CSPP1: variants seen among roughly 807,000 people sequenced by gnomAD.
CSPP1 encodes centrosome and spindle pole associated protein 1, also known as centrosome and spindle pole-associated protein 1.
CSPP1 carries 126 observed loss-of-function variants against 164.4 expected under a neutral mutation model. The observed-to-expected ratio is 0.77, with a 90% CI of 0.66 to 0.89. The LOEUF (loss-of-function observed/expected upper bound fraction) is 0.89, where lower values mean the gene tolerates loss of function less well. Among genes scored for constraint, CSPP1 ranks in the 40% least tolerant of loss-of-function variants. CSPP1 has a pLI of 0.00. For synonymous variants in CSPP1, 472 were observed against 476.7 expected, an observed-to-expected ratio of 0.99 and a Z score of 0.13; for missense variants, 1,395 against 1,449.8, an observed-to-expected ratio of 0.96 and a Z score of 0.61.
chr8:67,106,003 G>T (rs768773646), intron 9 of CSPP1, 28 bp downstream of exon 9: 1 of 1,185,588 alleles, frequency 8.4e-7, no homozygotes, highest in South Asian at 1.2e-5. Flanking sequence ...AACTAGTTGC[G>T]CTTGTATAGA....
Position 67,164,391 on chromosome 8 carries a change from A to T in CSPP1, c.2711A>T (p.Glu904Val). Residue 904 changes from glutamate to valine, a missense_variant and splice_region_variant, in exon 24 of 31, where the codon GAG becomes GTG. Coordinates refer to ENST00000678616, the MANE Select transcript of CSPP1 (RefSeq NM_001382391.1). ...TTTACTTATCAATGGGAATTTGCAG[A>T]GGAGAAAAAAAATGTAATTATGGAA... The part of the protein sequence containing the change: ...PARKNQLRAE[E>V]EKKNVIMELS... 6.9e-7 allele frequency: 1 copy of T among 1,454,736 alleles called. No homozygotes were observed. The highest frequency in any genetic ancestry group is 9.6e-7 in the Non-Finnish European group (1 of 1,036,558). 90.1% of individuals were successfully genotyped at this position (1,454,736 alleles called of 1,614,324 possible).
At chr8:67,129,245 C>T (rs183019771) in intron 15 of CSPP1, among the ~76,000 whole-genome samples, 1,556 of 152,110 alleles carry the variant, frequency 0.01, 13 homozygotes, top group Non-Finnish European at 0.017. Flanking sequence ...TTAAAATATT[C>T]CTTTTGAGAT....
At chr8:67,141,570 G>A (rs371310943) in intron 17 of CSPP1, among the ~76,000 whole-genome samples, 14 of 152,218 alleles carry the variant, frequency 9.2e-5, no homozygotes, top group African/African-American at 1.9e-4. Flanking sequence ...TGCCCAGGCC[G>A]GAGTGCAATG....
chr8:67,118,521 GC>G, intron 14 of CSPP1, 152 bp downstream of exon 14: 1 of 820,696 alleles, frequency 1.2e-6, no homozygotes, highest in Non-Finnish European at 2.0e-6. Flanking sequence ...CTATTTTAAA[GC>G]CCAGTTATAT....
intron 28 of CSPP1, among the ~76,000 whole-genome samples, chr8:67,188,238 C>T (rs1376812797): frequency 6.6e-6 from 1 of 152,220 alleles, no homozygotes; most frequent in Non-Finnish European, 1.5e-5. Context: ...TTGCACCACA[C>T]ATCACCATAC....
intron 7 of CSPP1, 71 bp downstream of exon 7, chr8:67,095,803 C>G: frequency 1.1e-6 from 1 of 942,318 alleles, no homozygotes; most frequent in Non-Finnish European, 1.6e-6. Context: ...GCTGTTGTTA[C>G]TTTTTATCAT....
At chr8:67,148,479 T>C (rs1825060411) in intron 17 of CSPP1, among the ~76,000 whole-genome samples, 1 of 152,252 alleles carries the variant, frequency 6.6e-6, no homozygotes, top group African/African-American at 2.4e-5. Context: ...TTCTCTATTA[T>C]GCTTTCCTAC....
intron 15 of CSPP1, among the ~76,000 whole-genome samples, chr8:67,129,580 T>C (rs565342188): frequency 3.5e-4 from 54 of 152,334 alleles, no homozygotes; most frequent in African/African-American, 1.3e-3. Context: ...AGCTGCATTA[T>C]TGATAATAGT....
intron 28 of CSPP1, among the ~76,000 whole-genome samples, chr8:67,189,378 A>G (rs1200278635): frequency 6.6e-6 from 1 of 152,230 alleles, no homozygotes; most frequent in African/African-American, 2.4e-5. Flanking sequence ...GTCTTTCAGT[A>G]GGTGAATGGA....
At chr8:67,130,353 G>A (rs1820969273) in intron 15 of CSPP1, among the ~76,000 whole-genome samples, 1 of 152,162 alleles carries the variant, frequency 6.6e-6, no homozygotes, top group African/African-American at 2.4e-5. Flanking sequence ...ATAGACGGGA[G>A]GGATCATGAG....
intron 3 of CSPP1, among the ~76,000 whole-genome samples, chr8:67,084,503 A>C (rs1360853783): frequency 6.6e-6 from 1 of 152,250 alleles, no homozygotes; most frequent in Non-Finnish European, 1.5e-5. Context: ...AATAAGGCAC[A>C]AAATGGTGAT....
intron 28 of CSPP1, among the ~76,000 whole-genome samples, chr8:67,187,679 G>A (rs1305791584): frequency 1.3e-5 from 2 of 152,054 alleles, no homozygotes; most frequent in Non-Finnish European, 2.9e-5. Flanking sequence ...GAAAGACCTT[G>A]TCTCAAAAAA....
intron 4 of CSPP1, among the ~76,000 whole-genome samples, chr8:67,088,881 A>G (rs1217486623): frequency 2.0e-5 from 3 of 149,230 alleles, no homozygotes; most frequent in African/African-American, 2.5e-5. Flanking sequence ...TGGGCGACAG[A>G]GTGAGAATCC....
intron 3 of CSPP1, among the ~76,000 whole-genome samples, chr8:67,076,855 TTGTG>T (rs933119679): frequency 4.6e-5 from 7 of 152,108 alleles, no homozygotes; most frequent in East Asian, 3.9e-4. Flanking sequence ...TGAAAGGAAT[TTGTG>T]TGTGTGAGAG....
chr8:67,104,065 C>T (rs547883303), intron 8 of CSPP1, among the ~76,000 whole-genome samples: 3 of 151,730 alleles, frequency 2.0e-5, no homozygotes, highest in South Asian at 2.1e-4. Flanking sequence ...ATTCCTGTGT[C>T]GTACATAAGG....
chr8:67,075,075 G>A (rs765458923), intron 2 of CSPP1, among the ~76,000 whole-genome samples: 10 of 152,228 alleles, frequency 6.6e-5, no homozygotes, highest in East Asian at 1.9e-4. Flanking sequence ...CAGTGTGCCC[G>A]GCCTAAAATA....
At chr8:67,076,254 A>T (rs1807890579) in intron 2 of CSPP1, among the ~76,000 whole-genome samples, 1 of 152,150 alleles carries the variant, frequency 6.6e-6, no homozygotes, top group Admixed American at 6.5e-5. Flanking sequence ...AATGTTTGGC[A>T]CTTAATGGGA....
intron 9 of CSPP1, among the ~76,000 whole-genome samples, chr8:67,109,979 G>A (rs1586174798): frequency 6.6e-6 from 1 of 152,046 alleles, no homozygotes; most frequent in East Asian, 1.9e-4. Context: ...GCAGAAATCG[G>A]CTTGTCTTGT....
rs537833447 is a variant in CSPP1, at chr8:67,193,473, C to T, written c.3340C>T (p.Arg1114Cys). 147 of 1,612,354 alleles carry T rather than the reference C, an allele frequency of 9.1e-5. 2 individuals are homozygous for T. The South Asian group carries it at 1.5e-3, about 17-fold the overall frequency. The change falls in exon 30 of 31, where the codon CGT becomes TGT. Residue 1114 changes from arginine to cysteine, a missense_variant. Transcript: ENST00000678616. Reference protein sequence around the residue: ...KWKGLDIDSSRPNVAPDGLSL... With the variant: ...KWKGLDIDSSCPNVAPDGLSL... ...TGTTTTCTAACTACAGGATAGCAGT[C>T]GTCCTAATGTAGCACCAGATGGTCT...
Sources: allele counts gnomAD v4.1 joint callset (sites outside exome capture counted in the v4.1 genomes callset), GRCh38; gene constraint gnomAD v4.1.1; transcripts MANE v1.5; gene names NCBI Gene and HGNC (gene_info 2026-07-23, HGNC 2026-07-21).